The following CDH13 variants were observed in gnomAD, a reference collection of about 807,000 sequenced individuals.
CDH13 encodes the protein cadherin 13.
Under a neutral mutation model 63.8 loss-of-function variants are expected in CDH13, and 24 were observed. The observed-to-expected ratio is 0.38, with a 90% confidence interval of 0.27 to 0.53. CDH13 has a LOEUF of 0.53. CDH13 is among the 20% of genes least tolerant of loss of function. CDH13 has a pLI of 0.85. For missense variants in CDH13, 1,049 were observed against 903.1 expected, an observed-to-expected ratio of 1.16 and a Z score of -2.07; for synonymous variants, 503 against 355.3, an observed-to-expected ratio of 1.42 and a Z score of -4.67.
intron 7 of CDH13, among the ~76,000 whole-genome samples, chr16:83,591,558 C>G (rs983082439): frequency 6.6e-6 from 1 of 152,150 alleles, no homozygotes; most frequent in Non-Finnish European, 1.5e-5. Flanking sequence ...ACCTTGACTC[C>G]AGGCACGCTG....
intron 1 of CDH13, among the ~76,000 whole-genome samples, chr16:82,813,544 C>T (rs1428636343): frequency 3.3e-5 from 5 of 152,074 alleles, no homozygotes; most frequent in Non-Finnish European, 7.4e-5. Context: ...TATGAGCTAC[C>T]TGGGGTTAAG....
intron 5 of CDH13, among the ~76,000 whole-genome samples, chr16:83,296,696 G>A (rs1329634921): frequency 6.6e-6 from 1 of 152,138 alleles, no homozygotes; most frequent in Non-Finnish European, 1.5e-5. Context: ...GACAGGCAGG[G>A]TTAATGATTT....
chr16:83,776,121 G>A (rs1317207676), intron 11 of CDH13, among the ~76,000 whole-genome samples: 2 of 152,088 alleles, frequency 1.3e-5, no homozygotes, highest in Non-Finnish European at 2.9e-5. Flanking sequence ...TTCAGAAAAA[G>A]ACATCACCAG....
At chr16:83,231,455 A>C (rs2039995968) in intron 5 of CDH13, among the ~76,000 whole-genome samples, 1 of 152,226 alleles carries the variant, frequency 6.6e-6, no homozygotes, top group South Asian at 2.1e-4. Flanking sequence ...CATAGATTGC[A>C]CATGGAGTGG....
intron 5 of CDH13, among the ~76,000 whole-genome samples, chr16:83,265,041 A>G (rs558841989): frequency 1.3e-5 from 2 of 152,192 alleles, no homozygotes; most frequent in East Asian, 1.9e-4. Context: ...TTAGTGTTCT[A>G]TGTATTTTTT....
chr16:83,799,384 G>A lies in CDH13; in HGVS notation c.*4354G>A, dbSNP rs1904302854. On this transcript the variant is annotated 3_prime_UTR_variant, in exon 14 of 14. Transcript: ENST00000567109. Reference sequence around the variant, plus strand: ...CACTACCAAACCAACTGAGGGGAGAGAAAACTGAGGGAGAAAGTGGGGTGG... The same window carrying A: ...CACTACCAAACCAACTGAGGGGAGAAAAAACTGAGGGAGAAAGTGGGGTGG... 1 of 151,836 alleles carries A rather than the reference G, an allele frequency of 6.6e-6. No homozygotes were observed. Among genetic ancestry groups the A allele is most frequent in the Admixed American group, 6.6e-5 (1 of 15,228 alleles). 9.4% of individuals were successfully genotyped at this position (151,836 alleles called of 1,614,324 possible). A position where few individuals can be genotyped will look rare whatever the true frequency, so the allele number is the denominator to read the frequency against.
intron 6 of CDH13, among the ~76,000 whole-genome samples, chr16:83,468,045 C>G (rs932804864): frequency 5.9e-5 from 9 of 152,238 alleles, no homozygotes; most frequent in African/African-American, 2.2e-4. Context: ...AAGCATCTCA[C>G]AAACTGTCTT....
chr16:82,842,522 C>T (rs1186611715), intron 1 of CDH13, among the ~76,000 whole-genome samples: 1 of 152,014 alleles, frequency 6.6e-6, no homozygotes, highest in South Asian at 2.1e-4. Flanking sequence ...AGTGACCTTA[C>T]TCACCCCTCC....
chr16:83,659,433 C>T (rs1161653493), intron 8 of CDH13, among the ~76,000 whole-genome samples: 1 of 152,280 alleles, frequency 6.6e-6, no homozygotes, highest in Non-Finnish European at 1.5e-5. Flanking sequence ...AAGGTCCCAA[C>T]ACAAGTTAGA....
At chr16:83,715,129 C>A (rs186920717) in intron 10 of CDH13, among the ~76,000 whole-genome samples, 2 of 152,300 alleles carry the variant, frequency 1.3e-5, no homozygotes, top group African/African-American at 4.8e-5. Flanking sequence ...CCACCTTATT[C>A]CACAAAAGAT....
chr16:83,721,179 G>A (rs1323583543), intron 10 of CDH13: 1 of 152,258 alleles, frequency 6.6e-6, no homozygotes, highest in Non-Finnish European at 1.5e-5. Context: ...TCACCTGAAG[G>A]TCACCACCAG....
At chr16:83,238,464 A>G (rs1350449535) in intron 5 of CDH13, among the ~76,000 whole-genome samples, 1 of 152,204 alleles carries the variant, frequency 6.6e-6, no homozygotes, top group Admixed American at 6.5e-5. Context: ...CTCCCATGAC[A>G]TGGGGGGATT....
At chr16:82,721,384 T>C (rs918210546) in intron 1 of CDH13, among the ~76,000 whole-genome samples, 6 of 151,968 alleles carry the variant, frequency 3.9e-5, no homozygotes, top group Non-Finnish European at 8.8e-5. Context: ...GAAAGTTATA[T>C]TTAGGATGAG....
chr16:83,740,354 G>A (rs1780924542), intron 10 of CDH13, among the ~76,000 whole-genome samples: 1 of 151,932 alleles, frequency 6.6e-6, no homozygotes, highest in African/African-American at 2.4e-5. Context: ...GCAAGCAGAA[G>A]AGAAGCAAAG....
chr16:82,757,707 G>A (rs1380386032), intron 1 of CDH13, among the ~76,000 whole-genome samples: 1 of 133,874 alleles, frequency 7.5e-6, no homozygotes, highest in Non-Finnish European at 1.7e-5. Flanking sequence ...GCAGTGGTGC[G>A]ATCTTGGTTC....
chr16:83,119,379 C>T (rs1299457477), intron 3 of CDH13, among the ~76,000 whole-genome samples: 1 of 152,102 alleles, frequency 6.6e-6, no homozygotes, highest in East Asian at 1.9e-4. Flanking sequence ...TCCTCATGTC[C>T]CCTAGAAATC....
rs144331627 is a variant in CDH13 at position 82,958,188 on chromosome 16, C to T, written c.158-73822C>T. On this transcript the variant is annotated intron_variant, in intron 2 of 13. Transcript: ENST00000567109. ...AAAAGATTCTTGACCTCTCTTAGCA[C>T]CAACCTCTGCTTCTAAAAATGAGAA... Among the ~76,000 whole-genome samples, 484 of 152,286 alleles carry T rather than the reference C, an allele frequency of 3.2e-3. 1 individual carries two copies. Among genetic ancestry groups the T allele is most frequent in the Non-Finnish European group, 5.2e-3 (351 of 68,022 alleles).
rs148736735 is a variant in CDH13, at chr16:83,469,683, G to T, written c.782-16794G>T. On this transcript the variant is annotated intron_variant, in intron 6 of 13. Coordinates refer to ENST00000567109, the MANE Select transcript of CDH13 (RefSeq NM_001257.5). Reference sequence around the variant, plus strand: ...GGAAGGTCCACATGAGGCCTTTTCAGTCTGGCATCCACAGCACTAGCACAG... The same window carrying T: ...GGAAGGTCCACATGAGGCCTTTTCATTCTGGCATCCACAGCACTAGCACAG... Among the ~76,000 whole-genome samples the T allele has an allele frequency of 5.3e-5, 8 of 152,278 alleles. No homozygotes were observed. In the East Asian group the frequency reaches 1.5e-3, roughly 29 times the overall value.
intron 1 of CDH13, among the ~76,000 whole-genome samples, chr16:82,822,883 C>T (rs370701378): frequency 1.1e-3 from 165 of 152,194 alleles, no homozygotes; most frequent in South Asian, 3.1e-3. Context: ...GTCTGGGCTC[C>T]GCTAGGTGGA....
Sources: allele counts gnomAD v4.1 joint callset (sites outside exome capture counted in the v4.1 genomes callset), GRCh38; gene constraint gnomAD v4.1.1; transcripts MANE v1.5; gene names NCBI Gene and HGNC (gene_info 2026-07-23, HGNC 2026-07-21).